The following CIT variants were observed in gnomAD, a reference collection of about 807,000 sequenced individuals.
CIT encodes citron Rho-interacting kinase.
A neutral mutation model predicts 272.7 loss-of-function variants in CIT; 79 were observed. That is an observed-to-expected ratio of 0.29 (90% CI 0.24 to 0.35). The LOEUF (loss-of-function observed/expected upper bound fraction) is 0.35. Ranked by LOEUF, CIT falls within the 10% of genes least tolerant of loss-of-function variation. CIT has a pLI of 1.00. For synonymous variants in CIT, 948 were observed against 995.6 expected (o/e 0.95, Z 0.90); for missense variants, 1,909 against 2,618.3 (o/e 0.73, Z 5.91).
At chr12:119,867,861 G>A (rs1397943936) in intron 3 of CIT, among the ~76,000 whole-genome samples, 2 of 152,122 alleles carry the variant, frequency 1.3e-5, no homozygotes, top group African/African-American at 4.8e-5. Flanking sequence ...GCCAATATAT[G>A]ACTTCATAGG....
chr12:119,740,999 C>G (rs1451380151), intron 24 of CIT, among the ~76,000 whole-genome samples: 2 of 152,140 alleles, frequency 1.3e-5, no homozygotes, highest in African/African-American at 4.8e-5. Flanking sequence ...GGGATATGTT[C>G]ACCAGACGTA....
At chr12:119,766,481 G>A (rs1488167960) in intron 19 of CIT, among the ~76,000 whole-genome samples, 1 of 152,178 alleles carries the variant, frequency 6.6e-6, no homozygotes, top group Non-Finnish European at 1.5e-5. Flanking sequence ...AACAGAGGTT[G>A]GGAAGCGTAG....
chr12:119,765,384 T>C (rs1177990304), intron 19 of CIT, among the ~76,000 whole-genome samples: 1 of 145,352 alleles, frequency 6.9e-6, no homozygotes, highest in South Asian at 2.1e-4. Context: ...TAATATAATA[T>C]ATATTATAAT....
chr12:119,719,034 C>T lies in CIT; in HGVS notation c.3841-173G>A, dbSNP rs915791464. 12 of 630,932 alleles carry T rather than the reference C, an allele frequency of 1.9e-5. 1 individual carries two copies. In the Admixed American group the frequency reaches 2.4e-4, roughly 13 times the overall value. The allele number at this position is 630,932 out of a possible 1,614,324, so 39.1% of individuals were successfully genotyped here. A position where few individuals can be genotyped will look rare whatever the true frequency, so the allele number is the denominator to read the frequency against. On this transcript the variant is annotated intron_variant, in intron 30 of 47. Coordinates refer to ENST00000392521, the MANE Select transcript of CIT (RefSeq NM_001206999.2). ...GGGAAGGGTAGGCTGAGCCACAGCC[C>T]GTTCCAGCCGGCTGAAAAAAATAGG...
chr12:119,834,025 G>A, intron 6 of CIT, 61 bp downstream of exon 6: 4 of 1,498,182 alleles, frequency 2.7e-6, no homozygotes, highest in Non-Finnish European at 3.6e-6. Flanking sequence ...TTTCCATGCA[G>A]GAACTCTTAT....
At chr12:119,698,815 G>A (rs1956381411) in intron 44 of CIT, among the ~76,000 whole-genome samples, 1 of 152,160 alleles carries the variant, frequency 6.6e-6, no homozygotes, top group African/African-American at 2.4e-5. Flanking sequence ...ATAAAGTACT[G>A]GAAGGACAAG....
In CIT at chr12:119,758,716, C is replaced by A. The variant is rs1193293825; in HGVS notation, c.2422-16G>T. On this transcript the variant is annotated splice_polypyrimidine_tract_variant and intron_variant, in intron 20 of 47. Coordinates refer to ENST00000392521, the MANE Select transcript of CIT (RefSeq NM_001206999.2). ...CATTGATCATCTGAAACACAGGGCA[C>A]CTATGAAACTTCACACACCAGAACA... 3 of 1,527,084 alleles carry A rather than the reference C, an allele frequency of 2.0e-6. No homozygotes were observed. 94.6% of individuals were successfully genotyped at this position (1,527,084 alleles called of 1,614,324 possible).
At chr12:119,829,691 T>C (rs1053144341) in intron 7 of CIT, among the ~76,000 whole-genome samples, 3 of 152,184 alleles carry the variant, frequency 2.0e-5, no homozygotes, top group African/African-American at 7.2e-5. Context: ...AACTCAGCTG[T>C]TCACCATTCT....
At chr12:119,747,263 A>T (rs982327716) in intron 23 of CIT, among the ~76,000 whole-genome samples, 46 of 152,044 alleles carry the variant, frequency 3.0e-4, no homozygotes, top group Non-Finnish European at 5.1e-4. Flanking sequence ...TCTACTAAAA[A>T]TTTAAAAATT....
chr12:119,738,193 C>A (rs975806487), intron 24 of CIT, among the ~76,000 whole-genome samples: 4 of 152,248 alleles, frequency 2.6e-5, no homozygotes, highest in Non-Finnish European at 5.9e-5. Flanking sequence ...CCCCCTGAAC[C>A]ATACTGCCTG....
intron 19 of CIT, among the ~76,000 whole-genome samples, chr12:119,764,564 C>T (rs925814719): frequency 6.7e-6 from 1 of 148,386 alleles, no homozygotes; most frequent in Non-Finnish European, 1.5e-5. Flanking sequence ...CTATGACTTG[C>T]ACCAGTGCAC....
intron 19 of CIT, among the ~76,000 whole-genome samples, chr12:119,765,629 C>T (rs1320283376): frequency 6.6e-6 from 1 of 151,476 alleles, no homozygotes; most frequent in African/African-American, 2.4e-5. Context: ...TGCCACCACA[C>T]CCAGCTAATT....
At chr12:119,716,190 C>T (rs112777625) in intron 32 of CIT, among the ~76,000 whole-genome samples, 2 of 151,664 alleles carry the variant, frequency 1.3e-5, no homozygotes, top group East Asian at 3.9e-4. Flanking sequence ...CCAGCCTGGC[C>T]AACATGGTGA....
At chr12:119,826,104 G>A (rs544192090) in intron 7 of CIT, among the ~76,000 whole-genome samples, 108 of 152,092 alleles carry the variant, frequency 7.1e-4, no homozygotes, top group African/African-American at 2.5e-3. Context: ...TGGCTAACTG[G>A]CAAGATAATA....
intron 23 of CIT, among the ~76,000 whole-genome samples, chr12:119,751,390 C>G (rs992060835): frequency 9.3e-5 from 14 of 150,616 alleles, no homozygotes; most frequent in Non-Finnish European, 1.8e-4. Context: ...CAAAAAAATC[C>G]ATTTCAGACT....
At chr12:119,817,308 G>A (rs898581198) in intron 9 of CIT, among the ~76,000 whole-genome samples, 5 of 151,834 alleles carry the variant, frequency 3.3e-5, no homozygotes, top group Admixed American at 1.3e-4. Context: ...TCAGGAGACC[G>A]AGACCATCCT....
chr12:119,725,152 G>A (rs534603823), intron 28 of CIT, among the ~76,000 whole-genome samples: 5 of 152,170 alleles, frequency 3.3e-5, no homozygotes, highest in Admixed American at 2.6e-4. Context: ...GGCCAGGCAT[G>A]GTAGCTCATG....
intron 2 of CIT, among the ~76,000 whole-genome samples, chr12:119,874,811 CG>C (rs986858119): frequency 6.7e-6 from 1 of 150,082 alleles, no homozygotes; most frequent in Non-Finnish European, 1.5e-5. Flanking sequence ...GCGTGAACCC[CG>C]GGGGGCAGAG....
chr12:119,776,461 C>T (rs1037472967), intron 14 of CIT, 53 bp from the exon 15 acceptor site: 4 of 1,453,992 alleles, frequency 2.8e-6, no homozygotes, highest in African/African-American at 2.8e-5. Context: ...CTAAAAAAGT[C>T]GTGTAGACTA....
Sources: allele counts gnomAD v4.1 joint callset (sites outside exome capture counted in the v4.1 genomes callset), GRCh38; gene constraint gnomAD v4.1.1; transcripts MANE v1.5; gene names NCBI Gene and HGNC (gene_info 2026-07-23, HGNC 2026-07-21).